FSTL4: variants seen among roughly 807,000 people sequenced by gnomAD.
FSTL4 encodes follistatin like 4, also known as follistatin-related protein 4.
In FSTL4, 28 loss-of-function variants were observed where a neutral mutation model predicts 78.2. The observed-to-expected ratio is 0.36, with a 90% CI of 0.27 to 0.49. FSTL4 has a LOEUF of 0.49. FSTL4 is among the 20% of genes least tolerant of loss of function. The pLI is 0.98. For missense variants in FSTL4, 922 were observed against 1,084.9 expected (o/e 0.85, Z 2.11); for synonymous variants, 422 against 440.5 (o/e 0.96, Z 0.53).
chr5:133,506,160 C>T (rs182076654), intron 3 of FSTL4, among the ~76,000 whole-genome samples: 6 of 152,274 alleles, frequency 3.9e-5, no homozygotes, highest in East Asian at 3.9e-4. Context: ...AAAAAAATAA[C>T]GACTGTCAAT....
At chr5:133,540,748 A>C (rs1255693418) in intron 3 of FSTL4, among the ~76,000 whole-genome samples, 1 of 151,882 alleles carries the variant, frequency 6.6e-6, no homozygotes, top group Non-Finnish European at 1.5e-5. Context: ...AAGAAAGAAA[A>C]AAACAAACAA....
chr5:133,224,598 C>T (rs532882658), intron 10 of FSTL4, among the ~76,000 whole-genome samples: 10 of 152,206 alleles, frequency 6.6e-5, no homozygotes, highest in East Asian at 3.8e-4. Flanking sequence ...ACGTGAAATA[C>T]TTCTGATTAT....
chr5:133,386,366 C>T (rs910743023), intron 4 of FSTL4, among the ~76,000 whole-genome samples: 1 of 152,220 alleles, frequency 6.6e-6, no homozygotes, highest in Non-Finnish European at 1.5e-5. Context: ...GTGGTGCCTT[C>T]ACTCAAGTTC....
At chr5:133,744,923 G>A in the FSTL4 span, among the ~76,000 whole-genome samples, 64 of 152,260 alleles carry the variant, frequency 4.2e-4, no homozygotes, top group Non-Finnish European at 7.2e-4. Context: ...TACCTGGTCT[G>A]CATCACCATA....
chr5:133,814,882 T>C, the FSTL4 span, among the ~76,000 whole-genome samples: 1 of 152,226 alleles, frequency 6.6e-6, no homozygotes, highest in East Asian at 1.9e-4. Context: ...CCTAAGTGTT[T>C]ATATTTTCTC....
chr5:133,508,882 C>T (rs1438358658), intron 3 of FSTL4, among the ~76,000 whole-genome samples: 4 of 152,166 alleles, frequency 2.6e-5, no homozygotes, highest in Non-Finnish European at 4.4e-5. Flanking sequence ...CTTGTTGGGC[C>T]TTTCATCTTA....
chr5:133,743,988 C>G, the FSTL4 span, among the ~76,000 whole-genome samples: 4 of 152,228 alleles, frequency 2.6e-5, no homozygotes, highest in African/African-American at 9.6e-5. Flanking sequence ...AAGCCCACGG[C>G]CCTAGGAGTG....
At chr5:133,708,146 C>CGAAG in the FSTL4 span, among the ~76,000 whole-genome samples, 1 of 116,156 alleles carries the variant, frequency 8.6e-6, no homozygotes, top group Non-Finnish European at 1.6e-5. Context: ...GGGCAAGGAA[C>CGAAG]GAAGGAAGGA....
chr5:133,709,720 G>T, the FSTL4 span, among the ~76,000 whole-genome samples: 1 of 152,212 alleles, frequency 6.6e-6, no homozygotes, highest in African/African-American at 2.4e-5. Context: ...CACCTGAAGG[G>T]CCAGAGACTC....
chr5:133,317,577 C>T (rs1753939676), intron 4 of FSTL4, among the ~76,000 whole-genome samples: 1 of 152,216 alleles, frequency 6.6e-6, no homozygotes, highest in Admixed American at 6.5e-5. Flanking sequence ...TCCTTAATTC[C>T]AAGGCCAGTT....
chr5:133,408,131 C>T (rs1046425330), intron 3 of FSTL4, among the ~76,000 whole-genome samples: 8 of 152,122 alleles, frequency 5.3e-5, no homozygotes, highest in African/African-American at 9.7e-5. Context: ...CTTTAATCAG[C>T]GGCAAATTGT....
Position 133,410,421 on chromosome 5 carries a change from G to A in FSTL4, c.161-9435C>T, listed in dbSNP as rs1366058798. 3.9e-5 allele frequency among the ~76,000 whole-genome samples: 6 copies of A among 152,122 alleles called. No individual in the cohort carries two copies. In the East Asian group the frequency reaches 5.8e-4, roughly 15 times the overall value. On this transcript the variant is annotated intron_variant, in intron 3 of 15. Coordinates refer to ENST00000265342, the MANE Select transcript of FSTL4 (RefSeq NM_015082.2). The stretch of plus-strand genomic sequence containing the variant: ...TGCTCTCCACGGTCTGCACCGTCTC[G>A]CTGATGCGCCACTACGTGGGTTCCT...
At chr5:133,816,669 AC>A in the FSTL4 span, among the ~76,000 whole-genome samples, 25 of 152,204 alleles carry the variant, frequency 1.6e-4, no homozygotes, top group East Asian at 4.0e-3. Flanking sequence ...AGCTCTCCAA[AC>A]CCCACGAGTG....
the FSTL4 span, among the ~76,000 whole-genome samples, chr5:133,637,430 T>C: frequency 6.6e-6 from 1 of 152,126 alleles, no homozygotes; most frequent in Non-Finnish European, 1.5e-5. Context: ...TTCTAGGTCC[T>C]AGTTTAGGGG....
the FSTL4 span, among the ~76,000 whole-genome samples, chr5:133,628,162 G>A: frequency 2.6e-5 from 4 of 152,070 alleles, no homozygotes; most frequent in Non-Finnish European, 4.4e-5. Flanking sequence ...GAGAAAACAG[G>A]AAAGATCTAA....
intron 3 of FSTL4, among the ~76,000 whole-genome samples, chr5:133,406,863 A>G (rs1194636071): frequency 6.6e-6 from 1 of 152,196 alleles, no homozygotes; most frequent in African/African-American, 2.4e-5. Flanking sequence ...CATTTTACAG[A>G]TTAGGAAACA....
At chr5:133,665,943 C>T in the FSTL4 span, among the ~76,000 whole-genome samples, 1 of 152,202 alleles carries the variant, frequency 6.6e-6, no homozygotes, top group Admixed American at 6.5e-5. Context: ...TCCGGAGCAT[C>T]ACATACCTGG....
At chr5:133,698,514 C>T in the FSTL4 span, among the ~76,000 whole-genome samples, 4 of 152,306 alleles carry the variant, frequency 2.6e-5, no homozygotes, top group Middle Eastern at 3.4e-3. Context: ...ATGATGGAGC[C>T]GTTGTGACTA....
At chr5:133,336,191 G>A (rs779891220) in intron 4 of FSTL4, among the ~76,000 whole-genome samples, 5 of 152,200 alleles carry the variant, frequency 3.3e-5, no homozygotes, top group African/African-American at 9.7e-5. Flanking sequence ...GACCCTTGCC[G>A]CATCCTCCCC....
Sources: gnomAD v4.1 joint callset for allele counts (sites outside exome capture counted in the v4.1 genomes callset) on GRCh38, gnomAD v4.1.1 for gene constraint, MANE v1.5 for transcripts, NCBI Gene and HGNC (gene_info 2026-07-23, HGNC 2026-07-21) for gene names.